The following MYO3B variants were observed in gnomAD, a reference collection of about 807,000 sequenced individuals.
MYO3B encodes myosin-IIIb.
In MYO3B, 156 loss-of-function variants were observed where a neutral mutation model predicts 174.6. The observed-to-expected ratio is 0.89, with a 90% CI of 0.78 to 1.02. The LOEUF is 1.02. Ranked by LOEUF, MYO3B falls within the 50% of genes least tolerant of loss-of-function variation. MYO3B has a pLI of 0.00. For synonymous variants in MYO3B, 563 were observed against 569.1 expected (o/e 0.99, Z 0.15); for missense variants, 1,632 against 1,639.4 (o/e 1.00, Z 0.08).
chr2:170,649,515 A>T (rs12692957), intron 32 of MYO3B, among the ~76,000 whole-genome samples: 1 of 143,032 alleles, frequency 7.0e-6, no homozygotes, highest in Non-Finnish European at 1.5e-5. Flanking sequence ...TTTAAAAAAC[A>T]TTTCTTCTTA....
At chr2:170,233,202 C>G (rs185406520) in intron 6 of MYO3B, among the ~76,000 whole-genome samples, 40 of 152,262 alleles carry the variant, frequency 2.6e-4, no homozygotes, top group Admixed American at 3.9e-4. Context: ...CATTTAGAGC[C>G]CATATCCTTT....
In MYO3B at chr2:170,577,852, C is replaced by G. The variant is rs572209569; in HGVS notation, c.3733+33864C>G. ...CGGAGCTCCTTCACAACATCAAACA[C>G]TTAATAAAAATGTTTTCCTTAAACC... On this transcript the variant is annotated intron_variant, in intron 32 of 34. Coordinates refer to ENST00000408978, the MANE Select transcript of MYO3B (RefSeq NM_138995.5). 1.5e-4 allele frequency among the ~76,000 whole-genome samples: 23 copies of G among 152,272 alleles called. No homozygotes were observed. In the South Asian group the frequency reaches 4.6e-3, roughly 30 times the overall value.
intron 3 of MYO3B, among the ~76,000 whole-genome samples, chr2:170,209,894 T>C (rs149824093): frequency 3.0e-4 from 46 of 152,324 alleles, no homozygotes; most frequent in African/African-American, 1.1e-3. Context: ...TCCATGTAAC[T>C]AAACATGTCA....
chr2:170,647,067 A>G, intron 32 of MYO3B: 1 of 405,844 alleles, frequency 2.5e-6, no homozygotes, highest in South Asian at 2.4e-5. Flanking sequence ...ACGTCTTCTT[A>G]TACAGCTGAG....
intron 7 of MYO3B, among the ~76,000 whole-genome samples, chr2:170,313,541 A>G (rs760619940): frequency 4.6e-5 from 7 of 152,158 alleles, no homozygotes; most frequent in Non-Finnish European, 7.4e-5. Context: ...CTGCACTTGA[A>G]CACTCAAAAT....
rs1158282260 is a variant in MYO3B at position 170,369,215 on chromosome 2, C to T, written c.816-7C>T. The stretch of plus-strand genomic sequence containing the variant: ...ACTTTGGATTGTTTGTTGGTTTTTG[C>T]AAACAGGTGTCTTATTAAGGATTTT... On this transcript the variant is annotated splice_region_variant and splice_polypyrimidine_tract_variant and intron_variant, in intron 8 of 34. Coordinates refer to ENST00000408978, the MANE Select transcript of MYO3B (RefSeq NM_138995.5). The T allele has an allele frequency of 6.2e-7, 1 of 1,610,074 alleles. No individual in the cohort carries two copies. Among genetic ancestry groups the T allele is most frequent in the East Asian group, 2.2e-5 (1 of 44,820 alleles).
chr2:170,505,468 A>C (rs1421420100), intron 28 of MYO3B, among the ~76,000 whole-genome samples: 1 of 152,236 alleles, frequency 6.6e-6, no homozygotes, highest in African/African-American at 2.4e-5. Flanking sequence ...GTGTATTCTA[A>C]GTAAAAACTA....
chr2:170,463,729 C>T (rs1684450323), intron 24 of MYO3B, among the ~76,000 whole-genome samples: 1 of 152,112 alleles, frequency 6.6e-6, no homozygotes, highest in Non-Finnish European at 1.5e-5. Context: ...TAATAAAGTT[C>T]CAGAAGGTGG....
chr2:170,401,463 C>T lies in MYO3B; in HGVS notation c.1919-18C>T. On this transcript the variant is annotated intron_variant, in intron 17 of 34. Coordinates refer to ENST00000408978, the MANE Select transcript of MYO3B (RefSeq NM_138995.5). ...AAGGTCTGGCTACATTCTGTGTTAT[C>T]CTTACTCTTTGTTTCAGCTGCCTCT... The T allele has an allele frequency of 6.2e-7, 1 of 1,611,420 alleles. No individual in the cohort carries two copies. Among genetic ancestry groups the T allele is most frequent in the Non-Finnish European group, 8.5e-7 (1 of 1,177,660 alleles).
intron 32 of MYO3B, among the ~76,000 whole-genome samples, chr2:170,544,785 G>T (rs11892133): frequency 2.0e-5 from 3 of 151,962 alleles, no homozygotes; most frequent in Admixed American, 6.5e-5. Context: ...AGAGACAAGA[G>T]GATGGGTCCA....
At position 170,557,335 on chromosome 2, in the gene MYO3B, T is replaced by A. The variant is rs1355314103; in HGVS notation, c.3733+13347T>A. 3.9e-5 allele frequency among the ~76,000 whole-genome samples: 6 copies of A among 152,054 alleles called. No homozygotes were observed. In the East Asian group the frequency reaches 1.2e-3, roughly 30 times the overall value. On this transcript the variant is annotated intron_variant, in intron 32 of 34. Coordinates refer to ENST00000408978, the MANE Select transcript of MYO3B (RefSeq NM_138995.5). The stretch of plus-strand genomic sequence containing the variant: ...CTTGTATTTTTAGTAGAGATGGGGT[T>A]TCACTGTGTTAGCCAGGATGGTCTC...
At chr2:170,361,721 C>T (rs1007688062) in intron 8 of MYO3B, among the ~76,000 whole-genome samples, 1 of 152,188 alleles carries the variant, frequency 6.6e-6, no homozygotes, top group Admixed American at 6.5e-5. Context: ...GTTCACTTGG[C>T]CCTTCTAACT....
chr2:170,603,241 C>A (rs1322039501), intron 32 of MYO3B, among the ~76,000 whole-genome samples: 1 of 152,098 alleles, frequency 6.6e-6, no homozygotes, highest in Admixed American at 6.5e-5. Context: ...CCACGCCCCC[C>A]CAACCCCATA....
intron 23 of MYO3B, among the ~76,000 whole-genome samples, chr2:170,449,989 T>C (rs13384324): frequency 0.012 from 1,785 of 152,198 alleles, 32 homozygotes; most frequent in African/African-American, 0.04. Flanking sequence ...CTGAAAAGGA[T>C]CAAAACAAGA....
intron 7 of MYO3B, among the ~76,000 whole-genome samples, chr2:170,307,555 A>G (rs1293391661): frequency 6.6e-6 from 1 of 151,440 alleles, no homozygotes; most frequent in African/African-American, 2.4e-5. Flanking sequence ...TAGATTCCCT[A>G]TCCTTCCATA....
chr2:170,272,816 C>T (rs542101328), intron 7 of MYO3B, among the ~76,000 whole-genome samples: 13 of 152,200 alleles, frequency 8.5e-5, no homozygotes, highest in Admixed American at 5.9e-4. Flanking sequence ...TGCCATGGGA[C>T]GATGTAGCAA....
intron 25 of MYO3B, among the ~76,000 whole-genome samples, chr2:170,481,207 T>A (rs1449089696): frequency 6.6e-6 from 1 of 152,242 alleles, no homozygotes; most frequent in African/African-American, 2.4e-5. Context: ...TTTTCACCTG[T>A]AGCTACATAG....
At chr2:170,443,305 G>A (rs536540464) in intron 22 of MYO3B, among the ~76,000 whole-genome samples, 1 of 152,302 alleles carries the variant, frequency 6.6e-6, no homozygotes, top group East Asian at 1.9e-4. Flanking sequence ...TTTGAGAAGT[G>A]TCTGTTCATA....
chr2:170,394,271 C>A (rs62170830), intron 16 of MYO3B, among the ~76,000 whole-genome samples: 15,006 of 152,148 alleles, frequency 0.099, 741 homozygotes, highest in Non-Finnish European at 0.11. Flanking sequence ...AAATTCAAAA[C>A]ATTGCAACCT....
Sources: gnomAD v4.1 joint callset for allele counts (sites outside exome capture counted in the v4.1 genomes callset) on GRCh38, gnomAD v4.1.1 for gene constraint, MANE v1.5 for transcripts, NCBI Gene and HGNC (gene_info 2026-07-23, HGNC 2026-07-21) for gene names.